Variants in HERC3 observed in about 807,000 individuals in gnomAD.
HERC3 encodes probable E3 ubiquitin-protein ligase HERC3.
In HERC3, 58 loss-of-function variants were observed where a neutral mutation model predicts 129.9. The ratio of observed to expected loss-of-function variants is 0.45; its 90% CI spans 0.36 to 0.56. The LOEUF (loss-of-function observed/expected upper bound fraction) is 0.56. Among genes scored for constraint, HERC3 ranks in the 20% least tolerant of loss-of-function variants. The pLI is 0.00. For missense variants in HERC3, 835 were observed against 1,244.2 expected (o/e 0.67, Z 4.95); for synonymous variants, 430 against 451.0 (o/e 0.95, Z 0.59).
intron 23 of HERC3, among the ~76,000 whole-genome samples, chr4:88,702,211 A>G (rs558967039): frequency 2.0e-5 from 3 of 152,364 alleles, no homozygotes; most frequent in Non-Finnish European, 2.9e-5. Context: ...TCCATAAACA[A>G]TATGATAATA....
intron 16 of HERC3, among the ~76,000 whole-genome samples, chr4:88,672,976 G>A (rs145689186): frequency 6.6e-6 from 1 of 152,294 alleles, no homozygotes; most frequent in African/African-American, 2.4e-5. Context: ...TAACACATGT[G>A]TGCAGAAGGA....
the HERC3 span, among the ~76,000 whole-genome samples, chr4:88,567,659 T>C: frequency 3.6e-4 from 55 of 152,364 alleles, no homozygotes; most frequent in African/African-American, 4.3e-4. Context: ...TCAATCTCTT[T>C]GTTAAATTTA....
At chr4:88,671,432 C>T (rs892101110) in intron 16 of HERC3, among the ~76,000 whole-genome samples, 1 of 152,028 alleles carries the variant, frequency 6.6e-6, no homozygotes, top group Non-Finnish European at 1.5e-5. Flanking sequence ...ATGATGAATG[C>T]TAGACACAAT....
chr4:88,638,197 T>C (rs1238070205), intron 3 of HERC3, among the ~76,000 whole-genome samples: 1 of 152,174 alleles, frequency 6.6e-6, no homozygotes, highest in Non-Finnish European at 1.5e-5. Context: ...TCAGAAACTA[T>C]TCTAAACAAT....
At chr4:88,561,553 T>C in the HERC3 span, among the ~76,000 whole-genome samples, 2 of 152,104 alleles carry the variant, frequency 1.3e-5, no homozygotes, top group Non-Finnish European at 2.9e-5. Context: ...AAATGAACAA[T>C]AAATTACTGA....
intron 10 of HERC3, among the ~76,000 whole-genome samples, chr4:88,659,237 G>A (rs1034572755): frequency 2.6e-5 from 4 of 152,134 alleles, no homozygotes; most frequent in African/African-American, 9.7e-5. Flanking sequence ...AGCTCCGAGT[G>A]GTGCATGGAT....
Position 88,704,216 on chromosome 4 carries a change from C to T in HERC3, c.2776C>T (p.Gln926Ter). 1 of 1,614,102 alleles carries T rather than the reference C, an allele frequency of 6.2e-7. No homozygotes were observed. Among genetic ancestry groups the T allele is most frequent in the Non-Finnish European group, 8.5e-7 (1 of 1,179,992 alleles). Residue 926 changes from glutamine to a stop codon, truncating the protein, a stop_gained, in exon 24 of 26, where the codon CAG becomes TAG. Transcript: ENST00000402738. LOFTEE classifies it high-confidence loss of function. ...VCGGKVLELF[Q>*]PSELRAMMVG... Reference sequence around the variant, plus strand: ...TGGTGGCAAAGTACTTGAGCTCTTCCAGCCTTCAGAACTGAGGGCTATGAT... The same window carrying T: ...TGGTGGCAAAGTACTTGAGCTCTTCTAGCCTTCAGAACTGAGGGCTATGAT...
the HERC3 span, among the ~76,000 whole-genome samples, chr4:88,583,355 G>C: frequency 6.6e-6 from 1 of 151,584 alleles, no homozygotes; most frequent in African/African-American, 2.4e-5. Flanking sequence ...AGAATTGCTT[G>C]AACCCAGGAG....
At chr4:88,573,898 C>A in the HERC3 span, among the ~76,000 whole-genome samples, 1 of 152,164 alleles carries the variant, frequency 6.6e-6, no homozygotes, top group Non-Finnish European at 1.5e-5. Context: ...CAAAACACAA[C>A]TGAAAAATAA....
chr4:88,552,948 C>T, the HERC3 span, among the ~76,000 whole-genome samples: 6 of 152,328 alleles, frequency 3.9e-5, no homozygotes, highest in South Asian at 1.0e-3. Flanking sequence ...GTCTCAGAAA[C>T]AGCTCATCTT....
chr4:88,629,661 T>C (rs1423784743), intron 3 of HERC3, among the ~76,000 whole-genome samples: 1 of 152,212 alleles, frequency 6.6e-6, no homozygotes, highest in Non-Finnish European at 1.5e-5. Context: ...TATACTAACA[T>C]TGGGTGTAAC....
chr4:88,535,719 T>C, the HERC3 span, among the ~76,000 whole-genome samples: 1 of 152,120 alleles, frequency 6.6e-6, no homozygotes, highest in Non-Finnish European at 1.5e-5. Context: ...ACCAGTCCCA[T>C]CATGGGGGTC....
At chr4:88,633,028 A>T (rs1371390431) in intron 3 of HERC3, among the ~76,000 whole-genome samples, 3 of 152,244 alleles carry the variant, frequency 2.0e-5, no homozygotes, top group African/African-American at 7.2e-5. Flanking sequence ...ACAATGATTC[A>T]GAAGACTGTG....
the HERC3 span, chr4:88,524,045 C>CA: frequency 3.0e-6 from 1 of 338,170 alleles, no homozygotes; most frequent in Admixed American, 4.8e-5. Flanking sequence ...GGCCAGGCCT[C>CA]AGAGTTGTAG....
chr4:88,591,128 A>C (rs143142094), upstream of HERC3, among the ~76,000 whole-genome samples: 1 of 152,026 alleles, frequency 6.6e-6, no homozygotes, highest in Non-Finnish European at 1.5e-5. Flanking sequence ...GCTGACCTCA[A>C]GTGATCCACC....
intron 23 of HERC3, chr4:88,690,323 A>C: frequency 1.0e-6 from 1 of 985,250 alleles, no homozygotes; most frequent in Non-Finnish European, 1.2e-6. Flanking sequence ...ATCATAAAGC[A>C]GATTTGTTAG....
rs1382732310 is a variant in HERC3, at chr4:88,671,323, G to T, written c.1911+1071G>T. Among the ~76,000 whole-genome samples, 5 of 152,118 alleles carry T rather than the reference G, an allele frequency of 3.3e-5. No individual in the cohort carries two copies. The East Asian group carries it at 7.7e-4, about 23-fold the overall frequency. On this transcript the variant is annotated intron_variant, in intron 16 of 25. Transcript: ENST00000402738. ...CCAGTATTAGGGCAATATTTTTCCT[G>T]TGGGGTTTTTGGAAGTCAGCAGTTG...
chr4:88,610,035 C>G (rs1724119249), intron 3 of HERC3, among the ~76,000 whole-genome samples: 1 of 152,172 alleles, frequency 6.6e-6, no homozygotes, highest in Admixed American at 6.5e-5. Flanking sequence ...ACAACCAGAG[C>G]TCACTCTCGT....
At chr4:88,638,507 A>G (rs1043952203) in intron 3 of HERC3, among the ~76,000 whole-genome samples, 2 of 152,238 alleles carry the variant, frequency 1.3e-5, no homozygotes, top group African/African-American at 4.8e-5. Context: ...TTATCTCAAT[A>G]GATGCAGAAA....
Sources: allele counts gnomAD v4.1 joint callset (sites outside exome capture counted in the v4.1 genomes callset), GRCh38; gene constraint gnomAD v4.1.1; transcripts MANE v1.5; gene names NCBI Gene and HGNC (gene_info 2026-07-23, HGNC 2026-07-21).